Variants in TNNI3K observed in about 807,000 individuals in gnomAD.
TNNI3K encodes serine/threonine-protein kinase TNNI3K.
A neutral mutation model predicts 114.5 loss-of-function variants in TNNI3K; 140 were observed. That is an observed-to-expected ratio of 1.22 (90% CI 1.07 to 1.41). The LOEUF (loss-of-function observed/expected upper bound fraction) is 1.41, where lower values mean the gene tolerates loss of function less well. TNNI3K is among the 40% of genes most tolerant of loss of function. The pLI is 0.00. For missense variants in TNNI3K, 1,125 were observed against 1,007.6 expected (o/e 1.12, Z -1.58); for synonymous variants, 347 against 347.5 (o/e 1.00, Z 0.02).
chr1:74,259,916 T>C (rs1557457012), intron 4 of TNNI3K, among the ~76,000 whole-genome samples: 1 of 152,232 alleles, frequency 6.6e-6, no homozygotes, highest in Non-Finnish European at 1.5e-5. Flanking sequence ...AACCAGAATG[T>C]ACATTTTTAA....
At chr1:74,459,139 C>A (rs1214341982) in intron 20 of TNNI3K, among the ~76,000 whole-genome samples, 1 of 152,160 alleles carries the variant, frequency 6.6e-6, no homozygotes, top group Non-Finnish European at 1.5e-5. Context: ...TACATACACA[C>A]CATAGAATAC....
chr1:74,377,403 G>C (rs1252854125), intron 17 of TNNI3K, among the ~76,000 whole-genome samples: 1 of 151,912 alleles, frequency 6.6e-6, no homozygotes, highest in Non-Finnish European at 1.5e-5. Flanking sequence ...ACCATACAAG[G>C]CTCCTCCAGA....
chr1:74,470,457 G>A (rs981939429), intron 21 of TNNI3K: 3 of 400,286 alleles, frequency 7.5e-6, no homozygotes, highest in Non-Finnish European at 1.3e-5. Flanking sequence ...TTCCTTTTTC[G>A]CTACTATTGG....
intron 4 of TNNI3K, among the ~76,000 whole-genome samples, chr1:74,257,123 A>G (rs1338125257): frequency 2.6e-5 from 4 of 152,010 alleles, no homozygotes; most frequent in Admixed American, 2.6e-4. Context: ...ACTTATTTGA[A>G]TTCAAGTTCA....
At chr1:74,456,755 A>G (rs561726567) in intron 20 of TNNI3K, among the ~76,000 whole-genome samples, 24 of 152,294 alleles carry the variant, frequency 1.6e-4, no homozygotes, top group Non-Finnish European at 2.9e-4. Context: ...AGTCTAGGAT[A>G]TAGCAGTAAT....
In TNNI3K at chr1:74,249,411, T is replaced by C. The variant is rs199941794; in HGVS notation, c.150-48T>C. On this transcript the variant is annotated intron_variant, in intron 2 of 24. Transcript: ENST00000326637. ...TTTATAATTTTCAAATGAAAGACAATATGCTAAAAGATGAATTTTGTGATC... is the reference window on the plus strand; with the variant it reads ...TTTATAATTTTCAAATGAAAGACAACATGCTAAAAGATGAATTTTGTGATC... The C allele has an allele frequency of 1.0e-5, 16 of 1,552,954 alleles. 1 individual carries two copies. Among genetic ancestry groups the C allele is most frequent in the South Asian group, 6.0e-5 (5 of 84,028 alleles).
At chr1:74,409,724 C>G (rs929697255) in intron 17 of TNNI3K, among the ~76,000 whole-genome samples, 2 of 152,024 alleles carry the variant, frequency 1.3e-5, no homozygotes, top group African/African-American at 4.8e-5. Flanking sequence ...GAACTCCTGA[C>G]CTCAAGTGAT....
At chr1:74,437,353 C>T (rs1666182807) in intron 19 of TNNI3K, among the ~76,000 whole-genome samples, 1 of 151,996 alleles carries the variant, frequency 6.6e-6, no homozygotes, top group Non-Finnish European at 1.5e-5. Context: ...GTTCTCATTC[C>T]TATGGAGCTA....
At chr1:74,469,910 A>T (rs999055017) in intron 21 of TNNI3K, 5 of 400,564 alleles carry the variant, frequency 1.2e-5, no homozygotes, top group African/African-American at 6.2e-5. Flanking sequence ...GTAGTAGCAT[A>T]TTCAGCAGAT....
chr1:74,346,757 C>A (rs1042273580), intron 9 of TNNI3K, among the ~76,000 whole-genome samples: 8 of 151,318 alleles, frequency 5.3e-5, no homozygotes, highest in Non-Finnish European at 7.4e-5. Flanking sequence ...AATTTATCAT[C>A]TCACAATTCT....
At chr1:74,315,037 G>T (rs1249526762) in intron 5 of TNNI3K, among the ~76,000 whole-genome samples, 2 of 152,068 alleles carry the variant, frequency 1.3e-5, no homozygotes, top group Non-Finnish European at 2.9e-5. Context: ...AGCATATGAA[G>T]AACATTACCG....
chr1:74,324,478 T>C (rs2100392563), intron 5 of TNNI3K, among the ~76,000 whole-genome samples: 1 of 152,348 alleles, frequency 6.6e-6, no homozygotes, highest in Admixed American at 6.5e-5. Flanking sequence ...AATAGGACTT[T>C]CTGCGGCGGG....
At chr1:74,517,244 A>G (rs1484142433) in intron 23 of TNNI3K, among the ~76,000 whole-genome samples, 2 of 152,224 alleles carry the variant, frequency 1.3e-5, no homozygotes, top group East Asian at 3.8e-4. Context: ...GGGACAAAAG[A>G]CAACTGGTTT....
At chr1:74,413,300 C>T (rs74321558) in intron 17 of TNNI3K, among the ~76,000 whole-genome samples, 1,780 of 152,278 alleles carry the variant, frequency 0.012, 34 homozygotes, top group African/African-American at 0.039. Flanking sequence ...TATAGAACAA[C>T]ATTAAATATA....
At chr1:74,518,475 T>TACCTCAAGGATCTCTGATTCTCCC (rs1553154944) in intron 23 of TNNI3K, among the ~76,000 whole-genome samples, 5 of 152,154 alleles carry the variant, frequency 3.3e-5, no homozygotes, top group Non-Finnish European at 5.9e-5. Context: ...ATGCTTTTCT[T>TACCTCAAGGATCTCTGATTCTCCC]ACCTCAAGGA....
intron 17 of TNNI3K, chr1:74,373,779 G>A (rs750603846): frequency 1.3e-5 from 2 of 151,738 alleles, no homozygotes; most frequent in Non-Finnish European, 2.9e-5. Flanking sequence ...TGAGTTTGTG[G>A]TTGTTGCAAT....
chr1:74,489,138 G>A, intron 21 of TNNI3K, 51 bp from the exon 22 acceptor site: 5 of 1,518,438 alleles, frequency 3.3e-6, no homozygotes, highest in Non-Finnish European at 4.5e-6. Context: ...TCCAAAGAGA[G>A]TCTCCTTCCT....
chr1:74,524,983 C>T (rs1318940267), intron 23 of TNNI3K, among the ~76,000 whole-genome samples: 3 of 152,082 alleles, frequency 2.0e-5, no homozygotes, highest in Non-Finnish European at 2.9e-5. Flanking sequence ...TACCTACTTT[C>T]TATGCATTCA....
chr1:74,475,118 A>ACACG (rs1172131994), intron 21 of TNNI3K, among the ~76,000 whole-genome samples: 5 of 124,060 alleles, frequency 4.0e-5, no homozygotes, highest in Non-Finnish European at 1.6e-5. Context: ...ACCTCAGCCC[A>ACACG]CACACACACA....
Sources: allele counts gnomAD v4.1 joint callset (sites outside exome capture counted in the v4.1 genomes callset), GRCh38; gene constraint gnomAD v4.1.1; transcripts MANE v1.5; gene names NCBI Gene and HGNC (gene_info 2026-07-23, HGNC 2026-07-21).